Variants in C12orf54 observed in about 807,000 individuals in gnomAD.
C12orf54 encodes the protein uncharacterized protein C12orf54.
Under a neutral mutation model 26.4 loss-of-function variants are expected in C12orf54, and 24 were observed. That is an observed-to-expected ratio of 0.91 (90% CI 0.66 to 1.28). C12orf54 has a LOEUF of 1.28. Among genes scored for constraint, C12orf54 ranks in the 50% most tolerant of loss-of-function variants. The pLI is 0.00. For missense variants in C12orf54, 154 were observed against 150.9 expected (o/e 1.02, Z -0.11); for synonymous variants, 54 against 47.0 (o/e 1.15, Z -0.61).
At chr12:48,431,157 TG>T in the C12orf54 span, among the ~76,000 whole-genome samples, 1 of 151,788 alleles carries the variant, frequency 6.6e-6, no homozygotes, top group Non-Finnish European at 1.5e-5. Context: ...GGAAGGGTGG[TG>T]GGGGAGGGAT....
At chr12:48,483,525 A>G (rs1241048744) in intron 2 of C12orf54, 164 bp downstream of exon 2, 10 of 588,088 alleles carry the variant, frequency 1.7e-5, no homozygotes, top group Non-Finnish European at 3.0e-5. Flanking sequence ...CATCTCCTTA[A>G]TGAAAGAGAT....
chr12:48,480,155 C>T, upstream of C12orf54, among the ~76,000 whole-genome samples: 1 of 152,078 alleles, frequency 6.6e-6, no homozygotes, highest in Admixed American at 6.5e-5. Context: ...AACCTTGGAA[C>T]CTTGTTTTGA....
chr12:48,472,543 T>C, the C12orf54 span: 44 of 1,162,296 alleles, frequency 3.8e-5, no homozygotes, highest in South Asian at 2.6e-4. Context: ...TGTTTGGAAT[T>C]AAGAATTTAC....
chr12:48,493,900 G>C (rs1441867099), intron 7 of C12orf54, among the ~76,000 whole-genome samples: 1 of 145,958 alleles, frequency 6.9e-6, no homozygotes, highest in African/African-American at 2.6e-5. Flanking sequence ...GTACTTCAGA[G>C]GGCTTTAAAG....
chr12:48,462,871 A>C, the C12orf54 span, among the ~76,000 whole-genome samples: 1 of 151,862 alleles, frequency 6.6e-6, no homozygotes, highest in Admixed American at 6.6e-5. Context: ...CTTCTATTAA[A>C]CATTGTACTA....
intron 8 of C12orf54, among the ~76,000 whole-genome samples, chr12:48,495,353 A>G (rs954481130): frequency 4.6e-5 from 7 of 152,196 alleles, no homozygotes; most frequent in Non-Finnish European, 5.9e-5. Context: ...TGTGAGTCCT[A>G]TAATTCCCTC....
At chr12:48,466,670 A>G in the C12orf54 span, among the ~76,000 whole-genome samples, 2 of 152,216 alleles carry the variant, frequency 1.3e-5, no homozygotes, top group African/African-American at 2.4e-5. Flanking sequence ...AATTAGAAAT[A>G]ATGTCCATAC....
the C12orf54 span, among the ~76,000 whole-genome samples, chr12:48,433,706 C>A: frequency 6.6e-6 from 1 of 152,188 alleles, no homozygotes; most frequent in Non-Finnish European, 1.5e-5. Flanking sequence ...CTTGGCCTCC[C>A]AAAGTACTGG....
chr12:48,454,612 T>C, the C12orf54 span, among the ~76,000 whole-genome samples: 1 of 152,214 alleles, frequency 6.6e-6, no homozygotes, highest in Non-Finnish European at 1.5e-5. Context: ...TTTCCTTCTT[T>C]ATTTAATGCA....
chr12:48,495,989 A>G (rs1937905053), intron 8 of C12orf54, among the ~76,000 whole-genome samples, 192 bp from the exon 9 acceptor site: 1 of 152,214 alleles, frequency 6.6e-6, no homozygotes, highest in Non-Finnish European at 1.5e-5. Flanking sequence ...TGGAAACTAC[A>G]CAGAGAATAT....
At chr12:48,444,254 C>G in the C12orf54 span, among the ~76,000 whole-genome samples, 1 of 152,204 alleles carries the variant, frequency 6.6e-6, no homozygotes, top group South Asian at 2.1e-4. Flanking sequence ...GTAGCTCTAG[C>G]TAGAGCAACC....
the C12orf54 span, among the ~76,000 whole-genome samples, chr12:48,454,185 C>T: frequency 2.0e-5 from 3 of 149,876 alleles, no homozygotes; most frequent in African/African-American, 7.4e-5. Flanking sequence ...GCAACCTCTG[C>T]CTCCTGGGTT....
chr12:48,428,267 A>C, the C12orf54 span, among the ~76,000 whole-genome samples: 1 of 152,086 alleles, frequency 6.6e-6, no homozygotes, highest in East Asian at 1.9e-4. Context: ...AAGGAACTAG[A>C]AAAACAACAA....
At chr12:48,491,343 C>G (rs1937785955) in intron 6 of C12orf54, among the ~76,000 whole-genome samples, 1 of 152,182 alleles carries the variant, frequency 6.6e-6, no homozygotes, top group Admixed American at 6.5e-5. Context: ...CATACAGACA[C>G]TAATCTGATT....
chr12:48,434,629 G>T, the C12orf54 span, among the ~76,000 whole-genome samples: 1 of 152,158 alleles, frequency 6.6e-6, no homozygotes, highest in African/African-American at 2.4e-5. Flanking sequence ...TGCAGCCACC[G>T]CTGCTGATAC....
the C12orf54 span, among the ~76,000 whole-genome samples, chr12:48,431,152 G>T: frequency 6.6e-6 from 1 of 152,140 alleles, no homozygotes; most frequent in African/African-American, 2.4e-5. Context: ...TGTGGGGAAG[G>T]GTGGTGGGGG....
the C12orf54 span, among the ~76,000 whole-genome samples, chr12:48,470,146 C>T: frequency 5.9e-5 from 9 of 152,166 alleles, no homozygotes; most frequent in African/African-American, 1.4e-4. Flanking sequence ...AATAGTGCAG[C>T]GATGAACATA....
At chr12:48,475,778 C>T in the C12orf54 span, among the ~76,000 whole-genome samples, 1 of 152,160 alleles carries the variant, frequency 6.6e-6, no homozygotes, top group Non-Finnish European at 1.5e-5. Context: ...GATTGGTGTA[C>T]CTGAAAGTGA....
chr12:48,428,794 G>A, the C12orf54 span, among the ~76,000 whole-genome samples: 1 of 151,792 alleles, frequency 6.6e-6, no homozygotes, highest in African/African-American at 2.4e-5. Flanking sequence ...AGAGAAAGAG[G>A]GAATCCTCCC....
Sources: allele counts gnomAD v4.1 joint callset (sites outside exome capture counted in the v4.1 genomes callset), GRCh38; gene constraint gnomAD v4.1.1; transcripts MANE v1.5; gene names NCBI Gene and HGNC (gene_info 2026-07-23, HGNC 2026-07-21).